CDIP1: variants seen among roughly 807,000 people sequenced by gnomAD.
CDIP1 encodes the protein cell death-inducing p53-target protein 1.
Under a neutral mutation model 17.7 loss-of-function variants are expected in CDIP1, and 9 were observed. The observed-to-expected ratio is 0.51, with a 90% CI of 0.31 to 0.89. The LOEUF (loss-of-function observed/expected upper bound fraction) is 0.89. Among genes scored for constraint, CDIP1 ranks in the 40% least tolerant of loss-of-function variants. CDIP1 has a pLI of 0.05. For synonymous variants in CDIP1, 117 were observed against 109.5 expected, an observed-to-expected ratio of 1.07 and a Z score of -0.43; for missense variants, 263 against 277.9, an observed-to-expected ratio of 0.95 and a Z score of 0.38.
chr16:4,537,535 A>C (rs1392134104), intron 1 of CDIP1, among the ~76,000 whole-genome samples: 3 of 152,182 alleles, frequency 2.0e-5, no homozygotes, highest in Non-Finnish European at 4.4e-5. Flanking sequence ...AGAATACAGA[A>C]GAAACTGGCA....
chr16:4,529,066 C>T (rs149936471), intron 1 of CDIP1, among the ~76,000 whole-genome samples: 1 of 152,162 alleles, frequency 6.6e-6, no homozygotes, highest in Non-Finnish European at 1.5e-5. Context: ...ATTTCACCTA[C>T]AGGAGAAAAT....
intron 1 of CDIP1, among the ~76,000 whole-genome samples, chr16:4,524,709 C>A (rs2058982228): frequency 1.3e-5 from 2 of 152,242 alleles, no homozygotes; most frequent in South Asian, 2.1e-4. Flanking sequence ...CAGCAACTAA[C>A]TGACCACCTC....
chr16:4,515,064 G>A (rs1057331754), intron 1 of CDIP1: 2 of 152,286 alleles, frequency 1.3e-5, no homozygotes, highest in Non-Finnish European at 2.9e-5. Flanking sequence ...CAAACTCTCT[G>A]AGCACAGCTC....
intron 1 of CDIP1, among the ~76,000 whole-genome samples, chr16:4,528,641 G>A (rs148331445): frequency 0.01 from 1,377 of 134,906 alleles, 22 homozygotes; most frequent in African/African-American, 0.037. Flanking sequence ...TGATTGCACC[G>A]CTGCACTCTA....
rs1039615848 is a variant in CDIP1 at position 4,513,133 on chromosome 16, C to A, written c.242-69G>T. 3.5e-6 allele frequency: 5 copies of A among 1,426,110 alleles called. No individual in the cohort carries two copies. Among genetic ancestry groups the A allele is most frequent in the Non-Finnish European group, 3.7e-6 (4 of 1,073,016 alleles). 88.3% of individuals were successfully genotyped at this position (1,426,110 alleles called of 1,614,324 possible). The stretch of plus-strand genomic sequence containing the variant: ...CACCTGCACCAGACAAAGAGATTGG[C>A]GCAAAGCCCCACGGTCCACAGCGCC... On this transcript the variant is annotated intron_variant, in intron 4 of 5. Transcript: ENST00000567695. This position sits in a 1 kb window ranked among gnomAD's most constrained non-coding sequence, Gnocchi z 4.1.
intron 1 of CDIP1, among the ~76,000 whole-genome samples, chr16:4,534,126 T>G (rs922695731): frequency 2.0e-5 from 3 of 152,072 alleles, no homozygotes; most frequent in Non-Finnish European, 4.4e-5. Flanking sequence ...AATTTTTGTA[T>G]TTTTAGTAGA....
intron 1 of CDIP1, among the ~76,000 whole-genome samples, chr16:4,535,634 TCTAGG>T (rs1259354885): frequency 1.1e-4 from 17 of 152,204 alleles, no homozygotes. Flanking sequence ...GGTCTCCACG[TCTAGG>T]CAGCCCTGGT....
In CDIP1 at chr16:4,512,203, G is replaced by C; in HGVS notation, c.*369C>G. 3.6e-6 allele frequency: 1 copy of C among 274,988 alleles called. No homozygotes were observed. The highest frequency in any genetic ancestry group is 7.2e-6 in the Non-Finnish European group (1 of 139,782). 17.0% of individuals were successfully genotyped at this position (274,988 alleles called of 1,614,324 possible). A position where few individuals can be genotyped will look rare whatever the true frequency, so the allele number is the denominator to read the frequency against. On this transcript the variant is annotated 3_prime_UTR_variant, in exon 6 of 6. Coordinates refer to ENST00000567695, the MANE Select transcript of CDIP1 (RefSeq NM_013399.3). This position sits in a 1 kb window ranked among gnomAD's most constrained non-coding sequence, Gnocchi z 4.6. ...GGGGACTAACTGGCTAACTGCTCTG[G>C]CTGCTGTTGGTCCCAGGGGGAAAGA...
Position 4,514,210 on chromosome 16 carries a change from TG to T in CDIP1, c.-14-67del. 1 of 937,902 alleles carries T rather than the reference TG, an allele frequency of 1.1e-6. No individual in the cohort carries two copies. The highest frequency in any genetic ancestry group is 1.6e-6 in the Non-Finnish European group (1 of 632,310). 58.1% of individuals were successfully genotyped at this position (937,902 alleles called of 1,614,324 possible). A position where few individuals can be genotyped will look rare whatever the true frequency, so the allele number is the denominator to read the frequency against. On this transcript the variant is annotated intron_variant, in intron 2 of 5. Coordinates refer to ENST00000567695, the MANE Select transcript of CDIP1 (RefSeq NM_013399.3). The surrounding 1 kb of genome is among the most constrained non-coding windows in gnomAD (Gnocchi z 5.2). ...AGCCAGGTTCCTTCTCCTTCAGCCC[TG>T]TGGGGTGGCCAAGATGCTGCACAAG...
At chr16:4,520,329 T>C (rs1162911160) in intron 1 of CDIP1, among the ~76,000 whole-genome samples, 1 of 152,174 alleles carries the variant, frequency 6.6e-6, no homozygotes, top group Non-Finnish European at 1.5e-5. Flanking sequence ...GGTCTCAATC[T>C]CTTGACCTCG....
chr16:4,520,403 G>A (rs757448515), intron 1 of CDIP1, among the ~76,000 whole-genome samples: 3 of 152,134 alleles, frequency 2.0e-5, no homozygotes, highest in Admixed American at 6.6e-5. Context: ...GCACTTGACC[G>A]ACAAGTGGTA....
chr16:4,519,530 C>T (rs1028993799), intron 1 of CDIP1, among the ~76,000 whole-genome samples: 5 of 152,328 alleles, frequency 3.3e-5, no homozygotes, highest in Admixed American at 6.5e-5. Flanking sequence ...TGCCTCTCCC[C>T]GCGGCCCTTC....
chr16:4,513,678 G>C lies in CDIP1; in HGVS notation c.241+18C>G. 6.2e-7 allele frequency: 1 copy of C among 1,609,450 alleles called. No individual in the cohort carries two copies. The highest frequency in any genetic ancestry group is 2.2e-5 in the East Asian group (1 of 44,812). Reference sequence around the variant, plus strand: ...CCAGGAGTTCCCCATGCTCCCCTCAGATCCCTTCCCCACTCACCCGGAGGC... The same window carrying C: ...CCAGGAGTTCCCCATGCTCCCCTCACATCCCTTCCCCACTCACCCGGAGGC... On this transcript the variant is annotated intron_variant, in intron 4 of 5. Transcript: ENST00000567695. The surrounding 1 kb of genome is among the most constrained non-coding windows in gnomAD (Gnocchi z 4.1).
chr16:4,512,597 A>T lies in CDIP1; in HGVS notation c.602T>A (p.Ile201Asn). Reference protein sequence around the residue: ...THTCPSCKAYIYTYKRLC With the variant: ...THTCPSCKAYNYTYKRLC The stretch of plus-strand genomic sequence containing the variant: ...TTAGCACAGGCGCTTGTACGTGTAG[A>T]TGTAGGCTTTGCAGCTGGGGCATGT... The change falls in exon 6 of 6, where the codon ATC (isoleucine) becomes AAC (asparagine). Residue 201 changes from isoleucine to asparagine, a missense_variant. Ile to Asn is a moderately radical substitution (Grantham distance 149, BLOSUM62 -3). Transcript: ENST00000567695. This position sits in a 1 kb window ranked among gnomAD's most constrained non-coding sequence, Gnocchi z 4.6. The T allele has an allele frequency of 1.2e-6, 2 of 1,613,746 alleles. No individual in the cohort carries two copies. Among genetic ancestry groups the T allele is most frequent in the Non-Finnish European group, 1.7e-6 (2 of 1,179,796 alleles).
At chr16:4,536,489 T>C (rs2059107121) in intron 1 of CDIP1, 2 of 152,198 alleles carry the variant, frequency 1.3e-5, no homozygotes, top group African/African-American at 4.8e-5. Context: ...GCTTCAATTA[T>C]TGCCAACGTG....
At position 4,538,095 on chromosome 16, in the gene CDIP1, G is replaced by A. The variant is rs527943178; in HGVS notation, c.-105+607C>T. On this transcript the variant is annotated intron_variant, in intron 1 of 5. Coordinates refer to ENST00000567695, the MANE Select transcript of CDIP1 (RefSeq NM_013399.3). ...CTCCCACCCCTCCCCTCCCCGTCTC[G>A]CCCTGCAAGACGGAGATGGCAATTT... Among the ~76,000 whole-genome samples, 80 of 152,112 alleles carry A rather than the reference G, an allele frequency of 5.3e-4. 1 individual carries two copies. The South Asian group carries it at 6.6e-3, about 13-fold the overall frequency.
intron 1 of CDIP1, among the ~76,000 whole-genome samples, chr16:4,516,617 G>C (rs1213179162): frequency 6.7e-6 from 1 of 150,356 alleles, no homozygotes; most frequent in Non-Finnish European, 1.5e-5. Context: ...GCCTCCTAAA[G>C]TGTTGGGATT....
At chr16:4,534,833 C>T (rs1412246931) in intron 1 of CDIP1, among the ~76,000 whole-genome samples, 1 of 151,760 alleles carries the variant, frequency 6.6e-6, no homozygotes, top group East Asian at 1.9e-4. Context: ...ATTCTCCTGT[C>T]TCAGCCTCCG....
At chr16:4,531,600 G>A (rs182617497) in intron 1 of CDIP1, among the ~76,000 whole-genome samples, 15 of 152,316 alleles carry the variant, frequency 9.8e-5, no homozygotes, top group African/African-American at 3.6e-4. Flanking sequence ...GACGGTGGGC[G>A]AGCAAGCAGT....
Sources: gnomAD v4.1 joint callset for allele counts (sites outside exome capture counted in the v4.1 genomes callset) on GRCh38, gnomAD v4.1.1 for gene constraint, Gnocchi (gnomAD v3.1) non-coding constraint, MANE v1.5 for transcripts, NCBI Gene and HGNC (gene_info 2026-07-23, HGNC 2026-07-21) for gene names.